C8B: variants seen among roughly 807,000 people sequenced by gnomAD.
C8B encodes complement C8 beta chain, also known as complement component C8 beta chain.
C8B carries 67 observed loss-of-function variants against 64.6 expected under a neutral mutation model. The ratio of observed to expected loss-of-function variants is 1.04; its 90% CI spans 0.85 to 1.27. The LOEUF (loss-of-function observed/expected upper bound fraction) is 1.27, where lower values mean the gene tolerates loss of function less well. Ranked by LOEUF, C8B falls within the 50% of genes most tolerant of loss-of-function variation. The probability of loss-of-function intolerance (pLI) is 0.00; values close to 1 mark genes in which losing one functional copy is unlikely to be tolerated. For synonymous variants in C8B, 284 were observed against 257.7 expected (o/e 1.10, Z -0.98); for missense variants, 790 against 725.2 (o/e 1.09, Z -1.03).
intron 1 of C8B, among the ~76,000 whole-genome samples, chr1:56,963,614 T>C (rs1645210791): frequency 6.6e-6 from 1 of 151,828 alleles, no homozygotes; most frequent in Non-Finnish European, 1.5e-5. Flanking sequence ...GGACAACGCA[T>C]TAGTGAGAAG....
intron 1 of C8B, among the ~76,000 whole-genome samples, chr1:56,962,257 T>A (rs1645190043): frequency 6.6e-6 from 1 of 152,198 alleles, no homozygotes; most frequent in Non-Finnish European, 1.5e-5. Flanking sequence ...TTGCACCCAA[T>A]TTTCATTATG....
chr1:56,955,685 C>A (rs1443207904), intron 3 of C8B, among the ~76,000 whole-genome samples: 2 of 152,204 alleles, frequency 1.3e-5, no homozygotes, highest in East Asian at 3.8e-4. Flanking sequence ...GGAACACAGG[C>A]CATAATGAGT....
At chr1:56,950,495 G>T (rs1052492510) in intron 5 of C8B, among the ~76,000 whole-genome samples, 1 of 152,094 alleles carries the variant, frequency 6.6e-6, no homozygotes, top group African/African-American at 2.4e-5. Context: ...CTGCCCTGGG[G>T]GCCCTGGAGT....
In C8B at chr1:56,943,780, T is replaced by TA; in HGVS notation, c.1149dup (p.Lys384Ter). The TA allele has an allele frequency of 8.1e-6, 13 of 1,614,110 alleles. No homozygotes were observed. Among genetic ancestry groups the TA allele is most frequent in the Non-Finnish European group, 1.0e-5 (12 of 1,179,992 alleles). On this transcript the variant is annotated frameshift_variant, in exon 8 of 12. Coordinates refer to ENST00000371237, the MANE Select transcript of C8B (RefSeq NM_000066.4). LOFTEE classifies it high-confidence loss of function. Reference sequence around the variant, plus strand: ...ACCTCTTCAATGGCACCACCAATTTTAAAATCATTTTTGGCACAGGCATGG... The same window carrying TA: ...ACCTCTTCAATGGCACCACCAATTTTAAAAATCATTTTTGGCACAGGCATGG...
intron 2 of C8B, among the ~76,000 whole-genome samples, chr1:56,957,403 A>T (rs1234990080): frequency 6.6e-6 from 1 of 152,230 alleles, no homozygotes; most frequent in Non-Finnish European, 1.5e-5. Flanking sequence ...GCTACAACTG[A>T]TTCTGATACT....
At chr1:56,964,378 A>ATGAT (rs1243741305) in intron 1 of C8B, among the ~76,000 whole-genome samples, 12 of 152,106 alleles carry the variant, frequency 7.9e-5, no homozygotes, top group Non-Finnish European at 5.9e-5. Flanking sequence ...TGCCCATGAC[A>ATGAT]TGATGCCTGT....
intron 5 of C8B, 29 bp downstream of exon 5, chr1:56,952,019 C>T: frequency 6.2e-7 from 1 of 1,612,978 alleles, no homozygotes. Context: ...AGCTGGGGCT[C>T]CCTCCACTGC....
intron 8 of C8B, 140 bp from the exon 9 acceptor site, chr1:56,941,152 T>C (rs1282577558): frequency 8.4e-6 from 8 of 950,842 alleles, no homozygotes; most frequent in Non-Finnish European, 1.3e-5. Context: ...CACTTCCTTG[T>C]CCACAGGGCA....
intron 3 of C8B, among the ~76,000 whole-genome samples, chr1:56,955,860 A>C (rs1645095324): frequency 6.6e-6 from 1 of 152,218 alleles, no homozygotes; most frequent in Non-Finnish European, 1.5e-5. Flanking sequence ...TCCATCTAGA[A>C]AATGTGGGTC....
intron 1 of C8B, among the ~76,000 whole-genome samples, chr1:56,965,398 A>T (rs61767009): frequency 0.059 from 8,408 of 142,406 alleles, 227 homozygotes; most frequent in Middle Eastern, 0.093. Flanking sequence ...AGAGAGAGAG[A>T]GTGTGTGTGT....
intron 3 of C8B, among the ~76,000 whole-genome samples, chr1:56,956,429 T>C (rs530245580): frequency 6.6e-6 from 1 of 152,322 alleles, no homozygotes; most frequent in South Asian, 2.1e-4. Context: ...CATTTCTGAC[T>C]CCAGCACACA....
chr1:56,953,902 G>A (rs1257987359), intron 4 of C8B, among the ~76,000 whole-genome samples: 2 of 152,296 alleles, frequency 1.3e-5, no homozygotes, highest in East Asian at 3.9e-4. Context: ...ATAATAACTA[G>A]CTTATAAGGC....
intron 5 of C8B, among the ~76,000 whole-genome samples, chr1:56,950,958 G>A (rs1446255447): frequency 2.6e-5 from 4 of 152,330 alleles, no homozygotes; most frequent in Non-Finnish European, 5.9e-5. Context: ...TTTTGAGGAT[G>A]GCACTGGACA....
rs779701690 is a variant in C8B at position 56,929,366 on chromosome 1, G to C, written c.*38C>G. ...GCTGGCATGAGTTCTTGAGGGCTCA[G>C]GGCTCTCATTGTATGTAGCCCACTG... On this transcript the variant is annotated 3_prime_UTR_variant, in exon 12 of 12. Coordinates refer to ENST00000371237, the MANE Select transcript of C8B (RefSeq NM_000066.4). 48 of 1,610,354 alleles carry C rather than the reference G, an allele frequency of 3.0e-5. No individual in the cohort carries two copies. Among genetic ancestry groups the C allele is most frequent in the Non-Finnish European group, 4.1e-5 (48 of 1,178,502 alleles).
intron 9 of C8B, among the ~76,000 whole-genome samples, chr1:56,934,140 C>CTT (rs57782394): frequency 3.4e-5 from 5 of 145,956 alleles, no homozygotes; most frequent in African/African-American, 1.3e-4. Flanking sequence ...TCAATACTGT[C>CTT]TTTTTTTTTT....
Position 56,949,751 on chromosome 1 carries a change from G to A in C8B, c.668C>T (p.Thr223Ile), listed in dbSNP as rs946548774. The A allele has an allele frequency of 3.1e-6, 5 of 1,608,284 alleles. No individual in the cohort carries two copies. In the East Asian group the frequency reaches 1.1e-4, roughly 36 times the overall value. ...TAATATGAATTCGTATTTGCCTTGG[G>A]TCTAAAGAAGAAAAAAGAAAGGGTT... The part of the protein sequence containing the change: ...PYNVESYTPQ[T>I]QGKYEFILKE... Residue 223 changes from threonine (T) to isoleucine (I), a missense_variant and splice_region_variant, in exon 6 of 12, where the codon ACC becomes ATC. Thr to Ile is a moderately conservative substitution (Grantham distance 89, BLOSUM62 -1). Coordinates refer to ENST00000371237, the MANE Select transcript of C8B (RefSeq NM_000066.4).
rs1166956678 is a variant in C8B at position 56,954,756 on chromosome 1, A to G, written c.463T>C (p.Cys155Arg). ...TGACATTTTTTATAAATCCTTCTAC[A>G]GTTTGCTTCATCTGACTGGTCTCCA... ...DCGDQSDEAN[C>R]RRIYKKCQHE... Residue 155 changes from cysteine to arginine, a missense_variant, in exon 4 of 12, where the codon TGT becomes CGT. Coordinates refer to ENST00000371237, the MANE Select transcript of C8B (RefSeq NM_000066.4). The G allele has an allele frequency of 1.2e-6, 2 of 1,614,024 alleles. No individual in the cohort carries two copies. Among genetic ancestry groups the G allele is most frequent in the Non-Finnish European group, 8.5e-7 (1 of 1,180,020 alleles).
chr1:56,951,933 G>GA, intron 5 of C8B, 115 bp downstream of exon 5: 1 of 1,225,872 alleles, frequency 8.2e-7, no homozygotes, highest in South Asian at 1.2e-5. Flanking sequence ...TTTCACATAT[G>GA]AAGAAACTGA....
intron 5 of C8B, 67 bp downstream of exon 5, chr1:56,951,978 CCGG>C: frequency 6.2e-7 from 1 of 1,600,064 alleles, no homozygotes; most frequent in Non-Finnish European, 8.6e-7. Context: ...GGCTGTCAGG[CCGG>C]ACCATGGACC....
Sources: allele counts gnomAD v4.1 joint callset (sites outside exome capture counted in the v4.1 genomes callset), GRCh38; gene constraint gnomAD v4.1.1; transcripts MANE v1.5; gene names NCBI Gene and HGNC (gene_info 2026-07-23, HGNC 2026-07-21).